The following FAM81B variants were observed in gnomAD, a reference collection of about 807,000 sequenced individuals.
FAM81B encodes protein FAM81B.
Under a neutral mutation model 58.7 loss-of-function variants are expected in FAM81B, and 60 were observed. The ratio of observed to expected loss-of-function variants is 1.02; its 90% confidence interval spans 0.83 to 1.27. The LOEUF (loss-of-function observed/expected upper bound fraction) is 1.27, where lower values mean the gene tolerates loss of function less well. FAM81B is among the 50% of genes most tolerant of loss of function. FAM81B has a pLI of 0.00. For missense variants in FAM81B, 491 were observed against 522.0 expected, an observed-to-expected ratio of 0.94 and a Z score of 0.58; for synonymous variants, 189 against 179.6, an observed-to-expected ratio of 1.05 and a Z score of -0.42.
At chr5:95,432,368 G>C (rs1304947648) in intron 6 of FAM81B, among the ~76,000 whole-genome samples, 1 of 151,928 alleles carries the variant, frequency 6.6e-6, no homozygotes, top group Admixed American at 6.6e-5. Context: ...TCAGATTTTG[G>C]AATCACCATT....
intron 4 of FAM81B, among the ~76,000 whole-genome samples, chr5:95,416,870 T>C (rs1343621687): frequency 1.3e-5 from 2 of 152,054 alleles, no homozygotes; most frequent in African/African-American, 4.8e-5. Flanking sequence ...AGTGACACCC[T>C]GTCTCTACAA....
chr5:95,402,405 C>A (rs995021539), intron 3 of FAM81B, among the ~76,000 whole-genome samples: 1 of 151,946 alleles, frequency 6.6e-6, no homozygotes, highest in African/African-American at 2.4e-5. Context: ...TAAGAATTAG[C>A]AATAATAATA....
intron 6 of FAM81B, among the ~76,000 whole-genome samples, chr5:95,435,259 A>G (rs1745054091): frequency 6.6e-6 from 1 of 152,106 alleles, no homozygotes; most frequent in African/African-American, 2.4e-5. Flanking sequence ...TAAAATCAAG[A>G]GTGGGTTTTT....
chr5:95,446,812 CT>C (rs200792409), intron 8 of FAM81B, 115 bp downstream of exon 8: 68,310 of 1,015,726 alleles, frequency 0.067, no homozygotes, highest in East Asian at 0.11. Flanking sequence ...GCTTCAGTAA[CT>C]TTTTTTTTTT....
chr5:95,413,702 ATCT>A (rs1247142764), intron 3 of FAM81B, among the ~76,000 whole-genome samples: 1 of 152,160 alleles, frequency 6.6e-6, no homozygotes, highest in Non-Finnish European at 1.5e-5. Context: ...GGCTTCTAAC[ATCT>A]TCTTTCATGA....
At chr5:95,439,320 C>T (rs926196296) in intron 7 of FAM81B, among the ~76,000 whole-genome samples, 14 of 143,760 alleles carry the variant, frequency 9.7e-5, no homozygotes, top group African/African-American at 2.6e-4. Context: ...TTTTACACTT[C>T]GACCAGCAAT....
At chr5:95,413,486 C>T (rs1363250062) in intron 3 of FAM81B, among the ~76,000 whole-genome samples, 1 of 152,142 alleles carries the variant, frequency 6.6e-6, no homozygotes, top group Non-Finnish European at 1.5e-5. Context: ...AAGGGAGAGA[C>T]ATCATATGCA....
intron 7 of FAM81B, among the ~76,000 whole-genome samples, chr5:95,445,972 G>A (rs1034740297): frequency 1.3e-5 from 2 of 152,106 alleles, no homozygotes; most frequent in African/African-American, 4.8e-5. Context: ...TGGCTTCTAT[G>A]CATTCTAATA....
Position 95,446,551 on chromosome 5 carries a change from T to G in FAM81B, c.894-11T>G. ...ACTTATTTAAATGAAACAAAACATT[T>G]TTTCCCATAGATTTCATTCACTTTC... On this transcript the variant is annotated splice_polypyrimidine_tract_variant and intron_variant, in intron 7 of 9. Coordinates refer to ENST00000283357, the MANE Select transcript of FAM81B (RefSeq NM_152548.3). 2.6e-6 allele frequency: 4 copies of G among 1,562,360 alleles called. No individual in the cohort carries two copies. Among genetic ancestry groups the G allele is most frequent in the Non-Finnish European group, 2.6e-6 (3 of 1,160,202 alleles).
chr5:95,450,007 A>G, intron 9 of FAM81B, 142 bp from the exon 10 acceptor site: 1 of 865,802 alleles, frequency 1.2e-6, no homozygotes, highest in Non-Finnish European at 1.7e-6. Context: ...TATTATGTAC[A>G]ATTTTAGGCT....
intron 7 of FAM81B, among the ~76,000 whole-genome samples, chr5:95,438,228 CT>C (rs770757863): frequency 5.9e-5 from 9 of 152,132 alleles, no homozygotes; most frequent in Non-Finnish European, 1.2e-4. Context: ...AGCATTTCTA[CT>C]TTCTTAAATT....
At chr5:95,420,969 G>A (rs1277056936) in intron 5 of FAM81B, among the ~76,000 whole-genome samples, 1 of 152,094 alleles carries the variant, frequency 6.6e-6, no homozygotes, top group Non-Finnish European at 1.5e-5. Flanking sequence ...TACATCTTCT[G>A]CCAGTACCTC....
At chr5:95,398,447 TAAATAAAA>T (rs1031882066) in intron 3 of FAM81B, among the ~76,000 whole-genome samples, 7 of 147,348 alleles carry the variant, frequency 4.8e-5, no homozygotes, top group African/African-American at 1.8e-4. Flanking sequence ...AATAAATAAA[TAAATAAAA>T]AACTTCAGCC....
chr5:95,430,805 C>T (rs532568798), intron 6 of FAM81B, among the ~76,000 whole-genome samples: 97 of 152,108 alleles, frequency 6.4e-4, no homozygotes, highest in South Asian at 1.4e-3. Context: ...CACCTCATTG[C>T]ACACCCACCA....
intron 3 of FAM81B, among the ~76,000 whole-genome samples, chr5:95,400,401 C>CACATACAT (rs754629589): frequency 4.3e-4 from 63 of 147,564 alleles, no homozygotes; most frequent in African/African-American, 8.2e-4. Context: ...CAGCCACCTT[C>CACATACAT]ACATACATAC....
In FAM81B at chr5:95,395,416, C is replaced by A. The variant is rs1344079337; in HGVS notation, c.229-695C>A. On this transcript the variant is annotated intron_variant, in intron 2 of 9. Coordinates refer to ENST00000283357, the MANE Select transcript of FAM81B (RefSeq NM_152548.3). ...GGAGATTGCGCCACTGCACTCCAGCCTGGGCGACAGAGCGAGACCCCGTCT... is the reference window on the plus strand; with the variant it reads ...GGAGATTGCGCCACTGCACTCCAGCATGGGCGACAGAGCGAGACCCCGTCT... Among the ~76,000 whole-genome samples, 7 of 131,266 alleles carry A rather than the reference C, an allele frequency of 5.3e-5. No individual in the cohort carries two copies. The Admixed American group carries it at 5.5e-4, about 10-fold the overall frequency. The allele number at this position is 131,266 out of a possible 152,430, so 86.1% of individuals were successfully genotyped here.
chr5:95,425,359 A>G (rs1762796794), intron 5 of FAM81B, among the ~76,000 whole-genome samples: 1 of 152,212 alleles, frequency 6.6e-6, no homozygotes. Context: ...AGGTAGACAA[A>G]GCAAGTCTCA....
At chr5:95,392,465 A>G (rs2560265) in intron 1 of FAM81B, among the ~76,000 whole-genome samples, 48,894 of 152,124 alleles carry the variant, frequency 0.32, 8,347 homozygotes, top group Middle Eastern at 0.4. Flanking sequence ...ACAAACCTGC[A>G]TGTTCTGCAC....
chr5:95,437,509 T>G (rs1180357644), intron 7 of FAM81B, among the ~76,000 whole-genome samples: 3 of 152,080 alleles, frequency 2.0e-5, no homozygotes, highest in African/African-American at 7.2e-5. Context: ...GACACCTAAT[T>G]TTGTATTTTT....
Sources: gnomAD v4.1 joint callset for allele counts (sites outside exome capture counted in the v4.1 genomes callset) on GRCh38, gnomAD v4.1.1 for gene constraint, MANE v1.5 for transcripts, NCBI Gene and HGNC (gene_info 2026-07-23, HGNC 2026-07-21) for gene names.